Variants in USP6NL observed in about 807,000 individuals in gnomAD.
The protein encoded by USP6NL is USP6 N-terminal like.
A neutral mutation model predicts 61.9 loss-of-function variants in USP6NL; 26 were observed. That is an observed-to-expected ratio of 0.42 (90% CI 0.31 to 0.58). The LOEUF (loss-of-function observed/expected upper bound fraction) is 0.58, where lower values mean the gene tolerates loss of function less well. Among genes scored for constraint, USP6NL ranks in the 20% least tolerant of loss-of-function variants. The pLI is 0.16. For missense variants in USP6NL, 1,114 were observed against 1,034.3 expected, an observed-to-expected ratio of 1.08 and a Z score of -1.06; for synonymous variants, 432 against 390.1, an observed-to-expected ratio of 1.11 and a Z score of -1.27.
rs1832889383 is a variant in USP6NL, at chr10:11,474,599, G to A, written c.1078+7171C>T. Reference sequence around the variant, plus strand: ...CTAACTTTTGTAAACTGAATTAAATGTAAGGAAGAAATACGTTTCTAAATT... The same window carrying A: ...CTAACTTTTGTAAACTGAATTAAATATAAGGAAGAAATACGTTTCTAAATT... On this transcript the variant is annotated intron_variant, in intron 14 of 14. Coordinates refer to ENST00000609104, the MANE Select transcript of USP6NL (RefSeq NM_014688.5). The surrounding 1 kb of genome is among the most constrained non-coding windows in gnomAD (Gnocchi z 4.9). Among the ~76,000 whole-genome samples the A allele has an allele frequency of 6.6e-6, 1 of 152,106 alleles. No homozygotes were observed. Among genetic ancestry groups the A allele is most frequent in the Non-Finnish European group, 1.5e-5 (1 of 68,008 alleles).
rs1422255377 is a variant in USP6NL, at chr10:11,598,506, G to A, written c.-83-789C>T. Among the ~76,000 whole-genome samples, 5 of 151,714 alleles carry A rather than the reference G, an allele frequency of 3.3e-5. No homozygotes were observed. The highest frequency in any genetic ancestry group is 7.4e-5 in the Non-Finnish European group (5 of 67,962). On this transcript the variant is annotated intron_variant, in intron 1 of 14. Transcript: ENST00000609104. This position sits in a 1 kb window ranked among gnomAD's most constrained non-coding sequence, Gnocchi z 4.7. ...ACTGTATTTCTAAAATATTAATATA[G>A]GTATAAATATTAATGCTATATTTAA...
At chr10:11,517,799 T>C (rs1035277938) in intron 5 of USP6NL, among the ~76,000 whole-genome samples, 1 of 152,216 alleles carries the variant, frequency 6.6e-6, no homozygotes, top group Admixed American at 6.5e-5. Flanking sequence ...TACCTGAAAT[T>C]CAGCCCCTTG....
intron 2 of USP6NL, among the ~76,000 whole-genome samples, chr10:11,556,652 T>TA (rs2133514004): frequency 6.6e-6 from 1 of 152,312 alleles, no homozygotes; most frequent in African/African-American, 2.4e-5. Context: ...AAAGCCGACT[T>TA]AGGCAATAAT....
At chr10:11,479,542 G>C (rs1271280873) in intron 14 of USP6NL, among the ~76,000 whole-genome samples, 1 of 151,584 alleles carries the variant, frequency 6.6e-6, no homozygotes, top group African/African-American at 2.4e-5. Flanking sequence ...GGAGTCAAAA[G>C]GAAGTGGCAT....
chr10:11,570,963 A>C (rs1333000206), intron 2 of USP6NL, among the ~76,000 whole-genome samples: 1 of 152,130 alleles, frequency 6.6e-6, no homozygotes, highest in Non-Finnish European at 1.5e-5. Flanking sequence ...ACACTAACCC[A>C]CTAGACTATG....
chr10:11,509,520 A>G (rs1834605244), intron 6 of USP6NL, 75 bp downstream of exon 6: 1 of 1,344,954 alleles, frequency 7.4e-7, no homozygotes, highest in Admixed American at 2.7e-5. Context: ...TCTTATAATT[A>G]AAGAAGAACT....
Position 11,463,386 on chromosome 10 carries a change from C to T in USP6NL, c.1542G>A (p.Ala514=), listed in dbSNP as rs772916966. Residue 514 remains alanine (A), a synonymous_variant, in exon 15 of 15, where the codon GCG becomes GCA. Coordinates refer to ENST00000609104, the MANE Select transcript of USP6NL (RefSeq NM_014688.5). The surrounding 1 kb of genome is among the most constrained non-coding windows in gnomAD (Gnocchi z 6.3). The stretch of plus-strand genomic sequence containing the variant: ...CAGGACCTGGGACGGTAACTGCGAG[C>T]GCGGGGTGCGCTGCTCGACCTTTGC... ...MEGKGRAAHP[A]LAVTVPGPAE... is the part of the protein sequence containing the mutation. The T allele has an allele frequency of 5.0e-6, 8 of 1,613,894 alleles. No individual in the cohort carries two copies. The highest frequency in any genetic ancestry group is 3.3e-5 in the Admixed American group (2 of 60,010).
Position 11,596,465 on chromosome 10 carries a change from C to CA in USP6NL, c.4+1165dup, listed in dbSNP as rs1016606660. ...TGAAACCCCGTCTCTACTAAAAATA[C>CA]AAAAAAAAATTAGCTGGGCCTGGTG... is the stretch of plus-strand genomic sequence containing the variant. On this transcript the variant is annotated intron_variant, in intron 2 of 14. Transcript: ENST00000609104. The surrounding 1 kb of genome is among the most constrained non-coding windows in gnomAD (Gnocchi z 4.1). Among the ~76,000 whole-genome samples the CA allele has an allele frequency of 4.6e-5, 7 of 150,584 alleles. No homozygotes were observed. The highest frequency in any genetic ancestry group is 4.4e-5 in the Non-Finnish European group (3 of 67,576).
Position 11,491,695 on chromosome 10 carries a change from G to A in USP6NL, c.495-815C>T, listed in dbSNP as rs1189238359. On this transcript the variant is annotated intron_variant, in intron 8 of 14. Transcript: ENST00000609104. This position sits in a 1 kb window ranked among gnomAD's most constrained non-coding sequence, Gnocchi z 4.7. ...TCTGGAATGCAGGAGAACACTTGGGGCATCTCTTACTAGTATCACTGAGCC... is the reference window on the plus strand; with the variant it reads ...TCTGGAATGCAGGAGAACACTTGGGACATCTCTTACTAGTATCACTGAGCC... Among the ~76,000 whole-genome samples the A allele has an allele frequency of 6.6e-6, 1 of 152,152 alleles. No homozygotes were observed. The highest frequency in any genetic ancestry group is 1.5e-5 in the Non-Finnish European group (1 of 68,020).
At chr10:11,549,088 A>G (rs1836391706) in intron 2 of USP6NL, among the ~76,000 whole-genome samples, 1 of 152,110 alleles carries the variant, frequency 6.6e-6, no homozygotes, top group South Asian at 2.1e-4. Context: ...ACTACCCTTA[A>G]AAGACTATTA....
intron 2 of USP6NL, among the ~76,000 whole-genome samples, chr10:11,557,723 G>T (rs1451141884): frequency 6.6e-6 from 1 of 152,158 alleles, no homozygotes; most frequent in Non-Finnish European, 1.5e-5. Flanking sequence ...TCTAGTGCAT[G>T]AGGAAAGAGG....
intron 2 of USP6NL, among the ~76,000 whole-genome samples, chr10:11,583,233 G>C (rs1264047446): frequency 6.8e-6 from 1 of 146,628 alleles, no homozygotes; most frequent in Non-Finnish European, 1.5e-5. Context: ...CTGTCGCCCA[G>C]GCTGGAGTGC....
rs966996876 is a variant in USP6NL, at chr10:11,495,015, C to A, written c.385-1787G>T. Among the ~76,000 whole-genome samples, 2 of 150,046 alleles carry A rather than the reference C, an allele frequency of 1.3e-5. No individual in the cohort carries two copies. The highest frequency in any genetic ancestry group is 4.9e-5 in the African/African-American group (2 of 40,476). On this transcript the variant is annotated intron_variant, in intron 7 of 14. Transcript: ENST00000609104. The surrounding 1 kb of genome is among the most constrained non-coding windows in gnomAD (Gnocchi z 4.6). ...CCGGGGAAAGGGAGACTCCCTTTCC[C>A]TCTGCTAAGTAGCCGGTGTTTTCCC...
chr10:11,484,965 TCTTA>T lies in USP6NL; in HGVS notation c.925+2_925+5del. The T allele has an allele frequency of 1.3e-6, 2 of 1,514,940 alleles. No individual in the cohort carries two copies. The highest frequency in any genetic ancestry group is 1.8e-6 in the Non-Finnish European group (2 of 1,134,974). 93.8% of individuals were successfully genotyped at this position (1,514,940 alleles called of 1,614,324 possible). Reference sequence around the variant, plus strand: ...TGAAATTTTAAGAGTTTAAGCATTTTCTTACTTTTGTGTAATTTTAAGATGGTGT... The same window carrying T: ...TGAAATTTTAAGAGTTTAAGCATTTTCTTTTGTGTAATTTTAAGATGGTGT... On this transcript the variant is annotated splice_donor_variant and splice_donor_5th_base_variant and intron_variant, in intron 13 of 14. Coordinates refer to ENST00000609104, the MANE Select transcript of USP6NL (RefSeq NM_014688.5). LOFTEE classifies it high-confidence loss of function.
rs397717322 is a variant in USP6NL at position 11,510,640 on chromosome 10, T to TGC, written c.196-966_196-965insGC. Among the ~76,000 whole-genome samples, 1 of 151,304 alleles carries TGC rather than the reference T, an allele frequency of 6.6e-6. No homozygotes were observed. The highest frequency in any genetic ancestry group is 2.4e-5 in the African/African-American group (1 of 41,140). ...TTTCCTAAGTACCTGGGCCCATGAG[T>TGC]AGTAAGTATATGAATAAAAAGCAAT... On this transcript the variant is annotated intron_variant, in intron 5 of 14. Coordinates refer to ENST00000609104, the MANE Select transcript of USP6NL (RefSeq NM_014688.5). This position sits in a 1 kb window ranked among gnomAD's most constrained non-coding sequence, Gnocchi z 4.8.
rs1425385375 is a variant in USP6NL at position 11,460,541 on chromosome 10, A to G, written c.*1900T>C. The G allele has an allele frequency of 6.7e-6, 1 of 150,092 alleles. No homozygotes were observed. The highest frequency in any genetic ancestry group is 2.4e-5 in the African/African-American group (1 of 41,236). 9.3% of individuals were successfully genotyped at this position (150,092 alleles called of 1,614,324 possible). On this transcript the variant is annotated 3_prime_UTR_variant, in exon 15 of 15. Coordinates refer to ENST00000609104, the MANE Select transcript of USP6NL (RefSeq NM_014688.5). ...TATTACTTTTAGCATGTTAAAAAAC[A>G]ATCACATCAAAAAAGTATACAGATA...
At chr10:11,547,829 C>T (rs1181869913) in intron 2 of USP6NL, among the ~76,000 whole-genome samples, 2 of 152,240 alleles carry the variant, frequency 1.3e-5, no homozygotes, top group Non-Finnish European at 2.9e-5. Context: ...GCATGAGCCA[C>T]TGCACCCAGC....
rs932864640 is a variant in USP6NL, at chr10:11,513,357, C to T, written c.196-3682G>A. Among the ~76,000 whole-genome samples the T allele has an allele frequency of 4.2e-4, 64 of 152,174 alleles. No individual in the cohort carries two copies. The highest frequency in any genetic ancestry group is 4.2e-3 in the Admixed American group (64 of 15,284). On this transcript the variant is annotated intron_variant, in intron 5 of 14. Transcript: ENST00000609104. The surrounding 1 kb of genome is among the most constrained non-coding windows in gnomAD (Gnocchi z 4.7). ...GTAGAAATGGAATTATTCCATCATG[C>T]GGGTAACACTTTTCAAAGTGTTGCC... is the stretch of plus-strand genomic sequence containing the variant.
intron 14 of USP6NL, among the ~76,000 whole-genome samples, chr10:11,471,321 A>G (rs1005369758): frequency 2.6e-5 from 4 of 152,234 alleles, no homozygotes; most frequent in African/African-American, 9.6e-5. Context: ...AAAAGTCAGG[A>G]AACAACAGGT....
Sources: gnomAD v4.1 joint callset for allele counts (sites outside exome capture counted in the v4.1 genomes callset) on GRCh38, gnomAD v4.1.1 for gene constraint, Gnocchi (gnomAD v3.1) non-coding constraint, MANE v1.5 for transcripts, NCBI Gene and HGNC (gene_info 2026-07-23, HGNC 2026-07-21) for gene names.